The following TDRD3 variants were observed in gnomAD, a reference collection of about 807,000 sequenced individuals.
TDRD3 encodes the protein tudor domain-containing protein 3.
TDRD3 carries 45 observed loss-of-function variants against 86.7 expected under a neutral mutation model. The ratio of observed to expected loss-of-function variants is 0.52; its 90% CI spans 0.41 to 0.67. The LOEUF (loss-of-function observed/expected upper bound fraction) is 0.67, where lower values mean the gene tolerates loss of function less well. TDRD3 is among the 30% of genes least tolerant of loss of function. The probability of loss-of-function intolerance (pLI) is 0.00; values close to 1 mark genes in which losing one functional copy is unlikely to be tolerated. For synonymous variants in TDRD3, 298 were observed against 301.7 expected (o/e 0.99, Z 0.13); for missense variants, 814 against 889.0 (o/e 0.92, Z 1.07).
rs201045709 is a variant in TDRD3 at position 60,501,672 on chromosome 13, C to CT, written c.858+7099dup. ...TACCATCCATAAAATCATTTTATGA[C>CT]TTCCCCAAACCATCCACAAAATGCT... is the stretch of plus-strand genomic sequence containing the variant. On this transcript the variant is annotated intron_variant, in intron 8 of 13. Coordinates refer to ENST00000377881, the MANE Select transcript of TDRD3 (RefSeq NM_001146070.2). 5.1e-3 allele frequency among the ~76,000 whole-genome samples: 781 copies of CT among 152,300 alleles called. 8 individuals are homozygous for CT. The highest frequency in any genetic ancestry group is 0.018 in the African/African-American group (749 of 41,562).
intron 10 of TDRD3, among the ~76,000 whole-genome samples, chr13:60,524,311 A>G (rs1957357048): frequency 1.3e-5 from 2 of 152,064 alleles, no homozygotes; most frequent in South Asian, 2.1e-4. Context: ...GTTTGAGACC[A>G]GCCTGGCCAA....
At chr13:60,406,970 G>T (rs1395870310) in intron 1 of TDRD3, among the ~76,000 whole-genome samples, 2 of 152,088 alleles carry the variant, frequency 1.3e-5, no homozygotes, top group Non-Finnish European at 2.9e-5. Context: ...TTCTAAGTGG[G>T]ACCATGAAGA....
At chr13:60,431,500 A>G (rs1594924695) in intron 1 of TDRD3, among the ~76,000 whole-genome samples, 2 of 151,906 alleles carry the variant, frequency 1.3e-5, no homozygotes, top group African/African-American at 4.8e-5. Flanking sequence ...TTTAAAATAA[A>G]TTTTTTGTTT....
intron 1 of TDRD3, among the ~76,000 whole-genome samples, chr13:60,405,290 G>C (rs1418059): frequency 0.47 from 71,036 of 151,880 alleles, 16,993 homozygotes; most frequent in South Asian, 0.55. Flanking sequence ...TTCTTAAACA[G>C]CATATTGTGG....
chr13:60,433,761 C>T (rs548874025), intron 1 of TDRD3, among the ~76,000 whole-genome samples: 2 of 152,318 alleles, frequency 1.3e-5, no homozygotes, highest in Non-Finnish European at 2.9e-5. Flanking sequence ...TACTAGTCCT[C>T]GTGCAGACAT....
chr13:60,563,232 T>TA (rs36139602), intron 12 of TDRD3, among the ~76,000 whole-genome samples: 37,647 of 134,858 alleles, frequency 0.28, 5,235 homozygotes, highest in South Asian at 0.34. Context: ...CATATCAATT[T>TA]AAAAAAAAAA....
At chr13:60,570,844 T>C (rs1464589891) in intron 13 of TDRD3, among the ~76,000 whole-genome samples, 1 of 152,192 alleles carries the variant, frequency 6.6e-6, no homozygotes, top group Admixed American at 6.5e-5. Flanking sequence ...TATACTAGGG[T>C]TCCATGGGAA....
At chr13:60,416,257 A>G (rs1285226898) in intron 1 of TDRD3, among the ~76,000 whole-genome samples, 1 of 152,096 alleles carries the variant, frequency 6.6e-6, no homozygotes, top group Non-Finnish European at 1.5e-5. Context: ...TACTCATAAT[A>G]TAGTTCTTAG....
intron 5 of TDRD3, among the ~76,000 whole-genome samples, chr13:60,474,824 GGT>G (rs1215006747): frequency 6.6e-6 from 1 of 151,150 alleles, no homozygotes; most frequent in Non-Finnish European, 1.5e-5. Flanking sequence ...GTTCCTGCAT[GGT>G]GTGTCTTTTA....
At chr13:60,552,948 A>G (rs1278961233) in intron 12 of TDRD3, among the ~76,000 whole-genome samples, 3 of 152,116 alleles carry the variant, frequency 2.0e-5, no homozygotes, top group Non-Finnish European at 4.4e-5. Context: ...CCAGCCACAA[A>G]CCATTTTTCC....
chr13:60,509,314 A>G (rs1957004994), intron 8 of TDRD3, among the ~76,000 whole-genome samples: 1 of 152,160 alleles, frequency 6.6e-6, no homozygotes, highest in Non-Finnish European at 1.5e-5. Flanking sequence ...CTAGTTTAAA[A>G]AAAAAAGCTC....
intron 6 of TDRD3, chr13:60,484,760 T>C (rs763027341): frequency 4.5e-6 from 2 of 447,790 alleles, no homozygotes; most frequent in South Asian, 3.2e-5. Context: ...TGTTGATGGT[T>C]GGTATTCTCC....
In TDRD3 at chr13:60,457,532, A is replaced by AAT. The variant is rs1446322145; in HGVS notation, c.193-2847_193-2846insTA. 3.4e-3 allele frequency among the ~76,000 whole-genome samples: 512 copies of AAT among 152,320 alleles called. 3 individuals carry two copies. The highest frequency in any genetic ancestry group is 0.012 in the African/African-American group (488 of 41,572). Reference sequence around the variant, plus strand: ...CCTAGCTAGGCTAGATCTCAAGAGGAAGATGAGTGAGGCTGAGGCCAATAT... The same window carrying AAT: ...CCTAGCTAGGCTAGATCTCAAGAGGAATAGATGAGTGAGGCTGAGGCCAATAT... On this transcript the variant is annotated intron_variant, in intron 3 of 13. Coordinates refer to ENST00000377881, the MANE Select transcript of TDRD3 (RefSeq NM_001146070.2).
chr13:60,511,004 CTAGAT>C (rs1311039165), intron 10 of TDRD3, among the ~76,000 whole-genome samples: 1 of 151,992 alleles, frequency 6.6e-6, no homozygotes, highest in Non-Finnish European at 1.5e-5. Context: ...TTGCTCATAT[CTAGAT>C]GACAGATATA....
At chr13:60,512,700 T>C (rs1957085818) in intron 10 of TDRD3, among the ~76,000 whole-genome samples, 2 of 152,180 alleles carry the variant, frequency 1.3e-5, no homozygotes, top group Non-Finnish European at 2.9e-5. Context: ...TCCAAAATGA[T>C]CTCCTTTGAC....
rs368757392 is a variant in TDRD3, at chr13:60,472,824, TAG to T, written c.495+5454_495+5455del. ...GAGGTACTGAAAGTAGCAAAAATTATAGAGAGAGAGTACAATGGTGATTTCCA... is the reference window on the plus strand; with the variant it reads ...GAGGTACTGAAAGTAGCAAAAATTATAGAGAGAGTACAATGGTGATTTCCA... On this transcript the variant is annotated intron_variant, in intron 5 of 13. Transcript: ENST00000377881. Among the ~76,000 whole-genome samples, 25 of 152,094 alleles carry T rather than the reference TAG, an allele frequency of 1.6e-4. No homozygotes were observed. The East Asian group carries it at 4.5e-3, about 27-fold the overall frequency.
At chr13:60,415,307 C>T (rs9538684) in intron 1 of TDRD3, among the ~76,000 whole-genome samples, 29,556 of 151,880 alleles carry the variant, frequency 0.19, 3,573 homozygotes, top group South Asian at 0.29. Context: ...TCATATCAAC[C>T]GGGATCCAGT....
At chr13:60,510,802 C>CTTTTTTTTTTT in intron 10 of TDRD3, 47 bp downstream of exon 10, 1 of 1,204,024 alleles carries the variant, frequency 8.3e-7, no homozygotes, top group Non-Finnish European at 1.1e-6. Context: ...TCTTTTCTTT[C>CTTTTTTTTTTT]TTTTTTTTTT....
chr13:60,424,505 C>T (rs1201530702), intron 1 of TDRD3, among the ~76,000 whole-genome samples: 2 of 151,720 alleles, frequency 1.3e-5, no homozygotes, highest in Non-Finnish European at 2.9e-5. Flanking sequence ...GGCAAAACCC[C>T]TTCTCTACTA....
Sources: allele counts gnomAD v4.1 joint callset (sites outside exome capture counted in the v4.1 genomes callset), GRCh38; gene constraint gnomAD v4.1.1; transcripts MANE v1.5; gene names NCBI Gene and HGNC (gene_info 2026-07-23, HGNC 2026-07-21).